The following PCDH10 variants were observed in gnomAD, a reference collection of about 807,000 sequenced individuals.
PCDH10 encodes protocadherin-10.
In PCDH10, 15 loss-of-function variants were observed where a neutral mutation model predicts 74.4. The observed-to-expected ratio is 0.20, with a 90% confidence interval of 0.13 to 0.31. PCDH10 has a LOEUF of 0.31. PCDH10 is among the 10% of genes least tolerant of loss of function. The pLI is 1.00. For missense variants in PCDH10, 1,260 were observed against 1,390.2 expected, an observed-to-expected ratio of 0.91 and a Z score of 1.49; for synonymous variants, 619 against 589.8, an observed-to-expected ratio of 1.05 and a Z score of -0.72.
chr4:133,166,579 T>C (rs1229512139), intron 4 of PCDH10, among the ~76,000 whole-genome samples: 1 of 151,524 alleles, frequency 6.6e-6, no homozygotes, highest in East Asian at 1.9e-4. Context: ...ACAAAAGTTA[T>C]ATTATTAGTA....
At chr4:133,180,111 A>G (rs1727383143) in intron 4 of PCDH10, among the ~76,000 whole-genome samples, 1 of 152,004 alleles carries the variant, frequency 6.6e-6, no homozygotes, top group African/African-American at 2.4e-5. Context: ...CTTCTGGTAT[A>G]TCACTTTGTC....
intron 4 of PCDH10, among the ~76,000 whole-genome samples, chr4:133,167,578 G>A (rs951659889): frequency 6.0e-5 from 9 of 151,190 alleles, no homozygotes; most frequent in Non-Finnish European, 1.3e-4. Context: ...CCCATACACC[G>A]CTAAATGAAT....
chr4:133,184,969 A>G (rs564793918), intron 4 of PCDH10, among the ~76,000 whole-genome samples: 1 of 148,146 alleles, frequency 6.8e-6, no homozygotes, highest in Non-Finnish European at 1.5e-5. Context: ...ATTTTGTTTG[A>G]TTTAATCATA....
rs999663797 is a variant in PCDH10 at position 133,180,696 on chromosome 4, A to G, written c.3104-9445A>G. Among the ~76,000 whole-genome samples, 11 of 152,088 alleles carry G rather than the reference A, an allele frequency of 7.2e-5. No individual in the cohort carries two copies. In the South Asian group the frequency reaches 8.3e-4, roughly 11 times the overall value. On this transcript the variant is annotated intron_variant, in intron 4 of 4. Coordinates refer to ENST00000264360, the MANE Select transcript of PCDH10 (RefSeq NM_032961.3). The stretch of plus-strand genomic sequence containing the variant: ...AACTTTTATTTAAATTTATTGTAAT[A>G]CTTTGCATAGATAGTAAATATGAAT...
At chr4:133,205,925 T>C (rs74358837) in intron 2 of PCDH10, among the ~76,000 whole-genome samples, 9,882 of 152,252 alleles carry the variant, frequency 0.065, 422 homozygotes, top group Non-Finnish European at 0.091. Flanking sequence ...TTCCGAATAG[T>C]GTCTCCTAGA....
chr4:133,165,996 A>G lies in PCDH10; in HGVS notation c.3103+2714A>G, dbSNP rs1026171766. On this transcript the variant is annotated intron_variant, in intron 4 of 4. Coordinates refer to ENST00000264360, the MANE Select transcript of PCDH10 (RefSeq NM_032961.3). ...TAATGTATTAACAAAAGACCCATGA[A>G]GAGTATACATGATGTATTTAATAAA... Among the ~76,000 whole-genome samples, 7 of 151,768 alleles carry G rather than the reference A, an allele frequency of 4.6e-5. No individual in the cohort carries two copies. In the East Asian group the frequency reaches 9.6e-4, roughly 21 times the overall value.
At position 133,192,094 on chromosome 4, in the gene PCDH10, A is replaced by G. The variant is rs1478741107; in HGVS notation, c.*1934A>G. ...ATATATCATATTCCAATCAGTTCAT[A>G]TATCAAAATAATGTATGTAATGTTC... On this transcript the variant is annotated 3_prime_UTR_variant, in exon 5 of 5. Transcript: ENST00000264360. The G allele has an allele frequency of 1.3e-5, 2 of 151,670 alleles. No individual in the cohort carries two copies. The highest frequency in any genetic ancestry group is 3.0e-5 in the Non-Finnish European group (2 of 67,682). 9.4% of individuals were successfully genotyped at this position (151,670 alleles called of 1,614,324 possible).
intron 4 of PCDH10, among the ~76,000 whole-genome samples, chr4:133,182,825 C>T (rs1001377670): frequency 6.6e-6 from 1 of 151,912 alleles, no homozygotes; most frequent in African/African-American, 2.4e-5. Flanking sequence ...TTATTTTTCT[C>T]CTAAGGGAAA....
Position 133,149,712 on chromosome 4 carries a change from T to C in PCDH10, c.-429T>C, listed in dbSNP as rs774016765. 97 of 159,550 alleles carry C rather than the reference T, an allele frequency of 6.1e-4. No individual in the cohort carries two copies. Among genetic ancestry groups the C allele is most frequent in the Non-Finnish European group, 1.1e-3 (79 of 73,308 alleles). 9.9% of individuals were successfully genotyped at this position (159,550 alleles called of 1,614,324 possible). ...CCTTCTCCTCTTCCTCTTCTTCTTC[T>C]TCCTCCTCCTCCTCCTCTTTTTCCT... On this transcript the variant is annotated 5_prime_UTR_variant, in exon 1 of 5. Coordinates refer to ENST00000264360, the MANE Select transcript of PCDH10 (RefSeq NM_032961.3).
chr4:133,175,259 A>G (rs1306358982), intron 4 of PCDH10, among the ~76,000 whole-genome samples: 1 of 152,028 alleles, frequency 6.6e-6, no homozygotes, highest in Non-Finnish European at 1.5e-5. Context: ...TATTTTTAGT[A>G]GTATTATTTA....
intron 4 of PCDH10, among the ~76,000 whole-genome samples, chr4:133,172,869 A>G (rs1379536123): frequency 6.6e-6 from 1 of 151,994 alleles, no homozygotes; most frequent in Non-Finnish European, 1.5e-5. Flanking sequence ...TAGAAGTGAT[A>G]CATGCTTTCT....
In PCDH10 at chr4:133,190,257, A is replaced by G; in HGVS notation, c.*97A>G. The G allele has an allele frequency of 9.4e-7, 1 of 1,061,984 alleles. No homozygotes were observed. The highest frequency in any genetic ancestry group is 1.5e-6 in the Non-Finnish European group (1 of 679,024). 65.8% of individuals were successfully genotyped at this position (1,061,984 alleles called of 1,614,324 possible). A position where few individuals can be genotyped will look rare whatever the true frequency, so the allele number is the denominator to read the frequency against. On this transcript the variant is annotated 3_prime_UTR_variant, in exon 5 of 5. Transcript: ENST00000264360. ...ACTTCATTATCTTGGCCATCCAGTT[A>G]GTCATGTGTAACTGAGTATTAGATT...
At chr4:133,185,001 G>C (rs1274387072) in intron 4 of PCDH10, among the ~76,000 whole-genome samples, 1 of 148,048 alleles carries the variant, frequency 6.8e-6, no homozygotes, top group African/African-American at 2.5e-5. Flanking sequence ...TTAATTATAT[G>C]AATGAAGAGT....
chr4:133,206,312 C>T (rs1172848928), intron 2 of PCDH10, among the ~76,000 whole-genome samples: 1 of 152,152 alleles, frequency 6.6e-6, no homozygotes, highest in Non-Finnish European at 1.5e-5. Context: ...TGTAGGAGCT[C>T]TCTGTTTCAA....
chr4:133,178,587 G>T (rs1727345106), intron 4 of PCDH10, among the ~76,000 whole-genome samples: 1 of 151,918 alleles, frequency 6.6e-6, no homozygotes. Flanking sequence ...CATGAGGAAA[G>T]ATGATAACTT....
Position 133,154,316 on chromosome 4 carries a change from C to T in PCDH10, c.2641C>T (p.Gln881Ter). 1.2e-6 allele frequency: 2 copies of T among 1,606,680 alleles called. No individual in the cohort carries two copies. The highest frequency in any genetic ancestry group is 1.7e-6 in the Non-Finnish European group (2 of 1,175,868). The change falls in exon 2 of 5, where the codon CAG becomes TAG. Residue 881 changes from glutamine to a stop codon, truncating the protein, a stop_gained. Coordinates refer to ENST00000264360, the MANE Select transcript of PCDH10 (RefSeq NM_032961.3). LOFTEE classifies it high-confidence loss of function. ...GSILSNETKH[Q>*]RAELSYLVDR... ...TTTATTTTTTTCCTAGACTAAACACCAGCGAGCAGAGCTCAGCTATCTAGT... is the reference window on the plus strand; with the variant it reads ...TTTATTTTTTTCCTAGACTAAACACTAGCGAGCAGAGCTCAGCTATCTAGT...
chr4:133,175,294 T>G (rs1727273079), intron 4 of PCDH10, among the ~76,000 whole-genome samples: 1 of 152,088 alleles, frequency 6.6e-6, no homozygotes, highest in South Asian at 2.1e-4. Flanking sequence ...CATAACAATT[T>G]AAAACTGTAA....
chr4:133,152,391 T>G lies in PCDH10; in HGVS notation c.2251T>G (p.Cys751Gly). 1 of 1,614,172 alleles carries G rather than the reference T, an allele frequency of 6.2e-7. No homozygotes were observed. The highest frequency in any genetic ancestry group is 8.5e-7 in the Non-Finnish European group (1 of 1,180,030). Residue 751 changes from cysteine (C) to glycine (G), a missense_variant, in exon 1 of 5, where the codon TGT becomes GGT. Around this residue, in one of 11 missense-constraint regions of PCDH10, gnomAD observed 587 missense variants for 616.9 expected, o/e 0.95. Transcript: ENST00000264360. ...AGAGAAGAAGCTCAACATCTATACT[T>G]GTCTGGCCAGCGATTGCTGCCTCTG... ...QKEKKLNIYTCLASDCCLCCC... is the reference protein window; with the variant it reads ...QKEKKLNIYTGLASDCCLCCC...
intron 4 of PCDH10, among the ~76,000 whole-genome samples, chr4:133,184,774 A>ATT (rs59373146): frequency 1.4e-4 from 1 of 7,010 alleles, no homozygotes; most frequent in African/African-American, 1.5e-3. Context: ...AAATATATAA[A>ATT]TATATATATA....
Sources: gnomAD v4.1 joint callset for allele counts (sites outside exome capture counted in the v4.1 genomes callset) on GRCh38, gnomAD v4.1.1 for gene constraint, gnomAD v4.1.1 regional missense constraint, MANE v1.5 for transcripts, NCBI Gene and HGNC (gene_info 2026-07-23, HGNC 2026-07-21) for gene names.